Variants in ATG5 observed in about 807,000 individuals in gnomAD.
ATG5 encodes the protein autophagy protein 5.
In ATG5, 14 loss-of-function variants were observed where a neutral mutation model predicts 36.5. That is an observed-to-expected ratio of 0.38 (90% CI 0.25 to 0.60). The LOEUF (loss-of-function observed/expected upper bound fraction) is 0.60. Among genes scored for constraint, ATG5 ranks in the 20% least tolerant of loss-of-function variants. ATG5 has a pLI of 0.60. For synonymous variants in ATG5, 95 were observed against 101.5 expected (o/e 0.94, Z 0.38); for missense variants, 195 against 326.7 (o/e 0.60, Z 3.11).
At chr6:106,273,152 T>C (rs138561870) in intron 5 of ATG5, among the ~76,000 whole-genome samples, 12 of 152,372 alleles carry the variant, frequency 7.9e-5, no homozygotes, top group Non-Finnish European at 1.6e-4. Context: ...AGAGTAGTTA[T>C]GCCTCCTACA....
At chr6:106,300,809 T>C (rs1002695583) in intron 3 of ATG5, among the ~76,000 whole-genome samples, 1 of 152,116 alleles carries the variant, frequency 6.6e-6, no homozygotes, top group African/African-American at 2.4e-5. Context: ...ACCAAAATCA[T>C]GTAGCCCAAG....
intron 7 of ATG5, among the ~76,000 whole-genome samples, chr6:106,197,000 A>AC (rs931054023): frequency 2.0e-5 from 3 of 152,114 alleles, no homozygotes; most frequent in Non-Finnish European, 2.9e-5. Context: ...ATCAAGGGAG[A>AC]CCCCCCACTT....
intron 3 of ATG5, among the ~76,000 whole-genome samples, chr6:106,302,164 A>T (rs970254704): frequency 1.3e-5 from 2 of 152,088 alleles, no homozygotes; most frequent in Non-Finnish European, 2.9e-5. Flanking sequence ...GAGCTACAGG[A>T]GGGAATATAT....
intron 3 of ATG5, among the ~76,000 whole-genome samples, chr6:106,293,443 G>T (rs1212814194): frequency 1.3e-5 from 2 of 152,084 alleles, no homozygotes; most frequent in Non-Finnish European, 2.9e-5. Context: ...GTTGATTTTT[G>T]TAAATTTATT....
At chr6:106,209,751 C>A (rs149984905) in intron 6 of ATG5, among the ~76,000 whole-genome samples, 1,843 of 152,134 alleles carry the variant, frequency 0.012, 36 homozygotes, top group Non-Finnish European at 0.011. Context: ...TGTAATTATG[C>A]AAGATGTTAG....
chr6:106,279,996 C>T (rs1164248788), intron 4 of ATG5, among the ~76,000 whole-genome samples, 173 bp from the exon 5 acceptor site: 3 of 151,894 alleles, frequency 2.0e-5, no homozygotes, highest in Non-Finnish European at 4.4e-5. Flanking sequence ...CTATTTGGCC[C>T]ATTTTGTACT....
chr6:106,201,198 G>C (rs1340231990), intron 7 of ATG5, among the ~76,000 whole-genome samples: 1 of 152,042 alleles, frequency 6.6e-6, no homozygotes, highest in African/African-American at 2.4e-5. Flanking sequence ...CTGTGGGCAT[G>C]ATGGGGAGCC....
chr6:106,322,903 C>T (rs1464304758), intron 1 of ATG5, among the ~76,000 whole-genome samples: 2 of 152,096 alleles, frequency 1.3e-5, no homozygotes, highest in African/African-American at 4.8e-5. Flanking sequence ...GATCTTCCTT[C>T]CTCCTCTCTC....
In ATG5 at chr6:106,243,838, A is replaced by G. The variant is rs535690054; in HGVS notation, c.573+4312T>C. On this transcript the variant is annotated intron_variant, in intron 6 of 7. Transcript: ENST00000369076. ...AGAGCAAGACTTCATCTCAAAATAAATAAATAAGTAAGTAAATAAAATTAA... is the reference window on the plus strand; with the variant it reads ...AGAGCAAGACTTCATCTCAAAATAAGTAAATAAGTAAGTAAATAAAATTAA... Among the ~76,000 whole-genome samples the G allele has an allele frequency of 2.0e-5, 3 of 151,832 alleles. No homozygotes were observed. The East Asian group carries it at 5.8e-4, about 29-fold the overall frequency.
chr6:106,308,395 A>G lies in ATG5; in HGVS notation c.205T>C (p.Trp69Arg). The G allele has an allele frequency of 1.9e-6, 3 of 1,590,816 alleles. No individual in the cohort carries two copies. The highest frequency in any genetic ancestry group is 2.6e-6 in the Non-Finnish European group (3 of 1,171,410). The change falls in exon 3 of 8, where the codon TGG (tryptophan) becomes CGG (arginine). Residue 69 changes from tryptophan to arginine, a missense_variant. By Grantham distance (101) the Trp-to-Arg change is moderately radical (BLOSUM62 -3). Coordinates refer to ENST00000369076, the MANE Select transcript of ATG5 (RefSeq NM_004849.4). ...AGTGGTGTGCCTTCATATTCAAACC[A>G]TATCTCACTAATGTCTTCTTGTCTC... ...VMRQEDISEI[W>R]FEYEGTPLKW...
intron 6 of ATG5, among the ~76,000 whole-genome samples, chr6:106,229,179 T>C (rs773392698): frequency 2.6e-5 from 4 of 152,254 alleles, no homozygotes; most frequent in African/African-American, 4.8e-5. Context: ...CTCTAGCAAG[T>C]TGTATCTCCA....
Position 106,308,474 on chromosome 6 carries a change from T to TA in ATG5, c.125dup (p.Ser43LysfsTer8), listed in dbSNP as rs1249967735. ...TGTCAGTTACCAACGTCAAATAACT[T>TA]ACTCTTGGCAAAAGCAACTGAAATG... On this transcript the variant is annotated frameshift_variant, in exon 3 of 8. Transcript: ENST00000369076. LOFTEE classifies it high-confidence loss of function. 6.3e-7 allele frequency: 1 copy of TA among 1,577,968 alleles called. No homozygotes were observed. Among genetic ancestry groups the TA allele is most frequent in the Admixed American group, 1.9e-5 (1 of 53,588 alleles).
chr6:106,311,471 T>C (rs1025295913), intron 2 of ATG5, among the ~76,000 whole-genome samples: 1 of 152,172 alleles, frequency 6.6e-6, no homozygotes, highest in Non-Finnish European at 1.5e-5. Flanking sequence ...TGGGTGTGTG[T>C]AGGTATGGGA....
chr6:106,282,871 C>T (rs2114608462), intron 4 of ATG5, among the ~76,000 whole-genome samples: 1 of 152,250 alleles, frequency 6.6e-6, no homozygotes, highest in African/African-American at 2.4e-5. Context: ...ATTGCAGCCT[C>T]AACCTCTGGG....
chr6:106,235,539 C>G (rs914914175), intron 6 of ATG5, among the ~76,000 whole-genome samples: 1 of 152,126 alleles, frequency 6.6e-6, no homozygotes, highest in Non-Finnish European at 1.5e-5. Flanking sequence ...CAAAGCCTAG[C>G]TGGGAAGGTG....
chr6:106,231,598 G>A (rs751158339), intron 6 of ATG5, among the ~76,000 whole-genome samples: 6 of 152,240 alleles, frequency 3.9e-5, no homozygotes, highest in Middle Eastern at 6.8e-3. Flanking sequence ...AAATCCTACC[G>A]CCTTTCTGGA....
chr6:106,263,102 C>A (rs1323689957), intron 5 of ATG5, among the ~76,000 whole-genome samples: 1 of 152,212 alleles, frequency 6.6e-6, no homozygotes, highest in Admixed American at 6.5e-5. Context: ...TGGCTTGAAA[C>A]TCTCACTGCC....
intron 5 of ATG5, among the ~76,000 whole-genome samples, chr6:106,249,552 C>T (rs1375819279): frequency 1.3e-5 from 2 of 152,114 alleles, no homozygotes; most frequent in Non-Finnish European, 1.5e-5. Flanking sequence ...CTACTATGAA[C>T]ATTTGTAAAC....
chr6:106,305,016 G>A (rs1018088356), intron 3 of ATG5, among the ~76,000 whole-genome samples: 3 of 151,888 alleles, frequency 2.0e-5, no homozygotes, highest in Non-Finnish European at 2.9e-5. Flanking sequence ...ACTTGAACCC[G>A]GGAGGTGGAG....
Sources: allele counts gnomAD v4.1 joint callset (sites outside exome capture counted in the v4.1 genomes callset), GRCh38; gene constraint gnomAD v4.1.1; transcripts MANE v1.5; gene names NCBI Gene and HGNC (gene_info 2026-07-23, HGNC 2026-07-21).